The following TBCD variants were observed in gnomAD, a reference collection of about 807,000 sequenced individuals.
TBCD encodes the protein tubulin folding cofactor D, also known as tubulin-specific chaperone D.
In TBCD, 105 loss-of-function variants were observed where a neutral mutation model predicts 169.3. That is an observed-to-expected ratio of 0.62 (90% confidence interval 0.53 to 0.73). TBCD has a LOEUF of 0.73. Ranked by LOEUF, TBCD falls within the 30% of genes least tolerant of loss-of-function variation. The probability of loss-of-function intolerance (pLI) is 0.00; values close to 1 mark genes in which losing one functional copy is unlikely to be tolerated. For synonymous variants in TBCD, 700 were observed against 643.9 expected (o/e 1.09, Z -1.32); for missense variants, 1,444 against 1,600.1 (o/e 0.90, Z 1.66).
At chr17:82,907,310 G>T (rs1313945194) in intron 20 of TBCD, among the ~76,000 whole-genome samples, 1 of 152,210 alleles carries the variant, frequency 6.6e-6, no homozygotes, top group African/African-American at 2.4e-5. Context: ...GTTTTCCAAG[G>T]TGGTCACATT....
chr17:82,762,126 C>G (rs989371256), intron 2 of TBCD, among the ~76,000 whole-genome samples: 1 of 151,200 alleles, frequency 6.6e-6, no homozygotes, highest in Non-Finnish European at 1.5e-5. Context: ...ACTATCCTGG[C>G]TAACACGGTG....
rs189682317 is a variant in TBCD at position 82,787,300 on chromosome 17, G to A, written c.771+5579G>A. Among the ~76,000 whole-genome samples, 8 of 152,348 alleles carry A rather than the reference G, an allele frequency of 5.3e-5. No homozygotes were observed. The East Asian group carries it at 1.3e-3, about 26-fold the overall frequency. On this transcript the variant is annotated intron_variant, in intron 7 of 38. Transcript: ENST00000355528. ...GAGTGAGCAATTGTCTGACGCAGCCGGCTGAAATCCCTGGGAAGGGAATGA... is the reference window on the plus strand; with the variant it reads ...GAGTGAGCAATTGTCTGACGCAGCCAGCTGAAATCCCTGGGAAGGGAATGA...
chr17:82,830,993 A>C, intron 13 of TBCD: 1 of 1,613,864 alleles, frequency 6.2e-7, no homozygotes, highest in Non-Finnish European at 8.5e-7. Flanking sequence ...ATTCCCTTGG[A>C]GGTTTTGAAA....
chr17:82,881,229 G>A (rs912363391), intron 14 of TBCD, among the ~76,000 whole-genome samples: 2 of 152,208 alleles, frequency 1.3e-5, no homozygotes, highest in Non-Finnish European at 2.9e-5. Context: ...GTAGAAGAGG[G>A]CCTTTCCACG....
At chr17:82,862,875 C>T (rs2056883436) in intron 13 of TBCD, among the ~76,000 whole-genome samples, 1 of 152,204 alleles carries the variant, frequency 6.6e-6, no homozygotes, top group East Asian at 1.9e-4. Flanking sequence ...GGTGTCTGTC[C>T]TCTCACGCGT....
Position 82,752,265 on chromosome 17 carries a change from C to G in TBCD, c.72C>G (p.Gly24=), listed in dbSNP as rs1239676655. 2 of 1,521,130 alleles carry G rather than the reference C, an allele frequency of 1.3e-6. No individual in the cohort carries two copies. Among genetic ancestry groups the G allele is most frequent in the South Asian group, 1.2e-5 (1 of 82,290 alleles). The allele number at this position is 1,521,130 out of a possible 1,614,324, so 94.2% of individuals were successfully genotyped here. ...EEAEDETLAF[G]AALEAFGESA... ...CGGAGGACGAGACACTGGCCTTTGG[C>G]GCGGCGCTGGAAGCGTTCGGCGAGA... Residue 24 remains glycine, a synonymous_variant, in exon 1 of 39, where the codon GGC becomes GGG. Coordinates refer to ENST00000355528, the MANE Select transcript of TBCD (RefSeq NM_005993.5).
At position 82,806,260 on chromosome 17, in the gene TBCD, G is replaced by A. The variant is rs929058394; in HGVS notation, c.1087+249G>A. Among the ~76,000 whole-genome samples the A allele has an allele frequency of 6.6e-6, 1 of 152,072 alleles. No homozygotes were observed. The highest frequency in any genetic ancestry group is 1.5e-5 in the Non-Finnish European group (1 of 68,002). ...ACCGCCTCGCCTCCTTCCTGACCTG[G>A]GCTGCCTGTTCTGGGCAGCTGGGTG... On this transcript the variant is annotated intron_variant, in intron 10 of 38. Transcript: ENST00000355528. This position sits in a 1 kb window ranked among gnomAD's most constrained non-coding sequence, Gnocchi z 5.1.
At chr17:82,769,586 TATACATTG>T (rs1248818071) in intron 5 of TBCD, among the ~76,000 whole-genome samples, 1 of 152,134 alleles carries the variant, frequency 6.6e-6, no homozygotes, top group African/African-American at 2.4e-5. Context: ...TAATTTAACC[TATACATTG>T]GGCTGGGCAT....
intron 13 of TBCD, among the ~76,000 whole-genome samples, chr17:82,834,426 T>C (rs1393820054): frequency 6.6e-6 from 1 of 152,198 alleles, no homozygotes; most frequent in Non-Finnish European, 1.5e-5. Flanking sequence ...CTTTAGGGTC[T>C]AAATATTTTC....
intron 19 of TBCD, among the ~76,000 whole-genome samples, chr17:82,904,598 T>A (rs2146760785): frequency 6.6e-6 from 1 of 152,322 alleles, no homozygotes; most frequent in South Asian, 2.1e-4. Context: ...AATAATCATC[T>A]GACTTAAATG....
intron 23 of TBCD, among the ~76,000 whole-genome samples, chr17:82,919,108 G>A (rs2061256260): frequency 6.9e-6 from 1 of 145,662 alleles, no homozygotes; most frequent in African/African-American, 2.7e-5. Flanking sequence ...AATCTGCGCA[G>A]AAGTAAAGAG....
In TBCD at chr17:82,917,425, C is replaced by T. The variant is rs139348479; in HGVS notation, c.2039-3131C>T. 8.3e-4 allele frequency among the ~76,000 whole-genome samples: 127 copies of T among 152,096 alleles called. 2 individuals carry two copies. In the East Asian group the frequency reaches 0.016, roughly 19 times the overall value. ...TTTATAGTTTTCATTTTTTTCACAT[C>T]CTGGAACATATTAAGCATGGTTTAA... is the stretch of plus-strand genomic sequence containing the variant. On this transcript the variant is annotated intron_variant, in intron 23 of 38. Transcript: ENST00000355528.
At position 82,943,706 on chromosome 17, in the gene TBCD, A is replaced by G. The variant is rs554644988; in HGVS notation, c.*1243A>G. Reference sequence around the variant, plus strand: ...GATGTGTGTGACGACCTGGCCACACAGGAGTGTGGGGTTAACACACTACTG... The same window carrying G: ...GATGTGTGTGACGACCTGGCCACACGGGAGTGTGGGGTTAACACACTACTG... On this transcript the variant is annotated 3_prime_UTR_variant, in exon 39 of 39. Transcript: ENST00000355528. The G allele has an allele frequency of 1.3e-5, 2 of 152,374 alleles. No individual in the cohort carries two copies. Among genetic ancestry groups the G allele is most frequent in the African/African-American group, 4.8e-5 (2 of 41,578 alleles). The allele number at this position is 152,374 out of a possible 1,614,324, so 9.4% of individuals were successfully genotyped here.
chr17:82,754,272 A>G (rs1351867888), intron 1 of TBCD, among the ~76,000 whole-genome samples: 2 of 152,122 alleles, frequency 1.3e-5, no homozygotes, highest in African/African-American at 4.8e-5. Flanking sequence ...ATACAATCAT[A>G]GGGGAGTCGG....
At position 82,870,288 on chromosome 17, in the gene TBCD, C is replaced by G. The variant is rs2057464691; in HGVS notation, c.1383C>G (p.Thr461=). 1 of 1,613,496 alleles carries G rather than the reference C, an allele frequency of 6.2e-7. No homozygotes were observed. Among genetic ancestry groups the G allele is most frequent in the Admixed American group, 1.7e-5 (1 of 60,012 alleles). ...DEKRGACSVG[T]NVRDAACYVC... ...AGCGGGGTGCCTGCAGCGTGGGCAC[C>G]AACGTCAGGGACGCCGCCTGCTACG... is the stretch of plus-strand genomic sequence containing the variant. Residue 461 remains threonine, a synonymous_variant, in exon 14 of 39, where the codon ACC becomes ACG. Coordinates refer to ENST00000355528, the MANE Select transcript of TBCD (RefSeq NM_005993.5).
At chr17:82,830,784 C>T in intron 13 of TBCD, 2 of 1,613,612 alleles carry the variant, frequency 1.2e-6, no homozygotes, top group East Asian at 2.2e-5. Flanking sequence ...GGGGGCCCAT[C>T]CCGGAGCTGT....
At chr17:82,814,421 G>A (rs1332703905) in intron 12 of TBCD, among the ~76,000 whole-genome samples, 2 of 152,252 alleles carry the variant, frequency 1.3e-5, no homozygotes, top group Non-Finnish European at 2.9e-5. Context: ...ACCAAGACTT[G>A]TCCTCACTCT....
chr17:82,797,822 G>T lies in TBCD; in HGVS notation c.817+20G>T. 1 of 1,559,734 alleles carries T rather than the reference G, an allele frequency of 6.4e-7. No homozygotes were observed. The highest frequency in any genetic ancestry group is 1.2e-5 in the South Asian group (1 of 82,636). On this transcript the variant is annotated intron_variant, in intron 8 of 38. Coordinates refer to ENST00000355528, the MANE Select transcript of TBCD (RefSeq NM_005993.5). ...CCTATGGTAAGGTTTATTTTTAAGA[G>T]ACGATATCTTTGTGATGTGAGTTTG...
At chr17:82,908,494 G>C (rs1371535443) in intron 21 of TBCD, 2 of 390,802 alleles carry the variant, frequency 5.1e-6, no homozygotes, top group Non-Finnish European at 1.0e-5. Flanking sequence ...TTGTTCACGA[G>C]GGATTACGTG....
Sources: gnomAD v4.1 joint callset for allele counts (sites outside exome capture counted in the v4.1 genomes callset) on GRCh38, gnomAD v4.1.1 for gene constraint, Gnocchi (gnomAD v3.1) non-coding constraint, MANE v1.5 for transcripts, NCBI Gene and HGNC (gene_info 2026-07-23, HGNC 2026-07-21) for gene names.